Variants in PLEKHM1 observed in about 807,000 individuals in gnomAD.
The protein encoded by PLEKHM1 is pleckstrin homology domain-containing family M member 1.
PLEKHM1 carries 28 observed loss-of-function variants against 94.3 expected under a neutral mutation model. The observed-to-expected ratio is 0.30, with a 90% CI of 0.22 to 0.41. The LOEUF is 0.41. PLEKHM1 is among the 10% of genes least tolerant of loss of function. The pLI is 1.00. For missense variants in PLEKHM1, 907 were observed against 1,358.6 expected (o/e 0.67, Z 5.22); for synonymous variants, 424 against 581.2 (o/e 0.73, Z 3.89).
At chr17:45,474,062 ATT>A (rs55806341) in intron 4 of PLEKHM1, among the ~76,000 whole-genome samples, 6 of 142,754 alleles carry the variant, frequency 4.2e-5, no homozygotes, top group Non-Finnish European at 4.6e-5. Context: ...TTATTTATTT[ATT>A]TTTTTTTTTT....
intron 8 of PLEKHM1, among the ~76,000 whole-genome samples, chr17:45,450,025 C>G (rs1158224500): frequency 6.6e-6 from 1 of 152,022 alleles, no homozygotes; most frequent in Non-Finnish European, 1.5e-5. Flanking sequence ...GCTCATCCAC[C>G]TACCTACCTA....
intron 6 of PLEKHM1, chr17:45,454,554 C>T (rs1287818485): frequency 1.7e-6 from 1 of 582,670 alleles, no homozygotes; most frequent in South Asian, 2.0e-5. Flanking sequence ...CACGCCTTCC[C>T]TCCTGCTGCC....
At chr17:45,488,210 T>C (rs1342048390) in intron 1 of PLEKHM1, among the ~76,000 whole-genome samples, 2 of 152,170 alleles carry the variant, frequency 1.3e-5, no homozygotes, top group Non-Finnish European at 2.9e-5. Flanking sequence ...CCCTCCTTCC[T>C]TCCATCCAGT....
intron 4 of PLEKHM1, among the ~76,000 whole-genome samples, chr17:45,471,649 G>A (rs2684701): frequency 5.9e-5 from 9 of 152,226 alleles, no homozygotes; most frequent in Admixed American, 5.2e-4. Flanking sequence ...CCAGCTACTC[G>A]GGAGGCTGAG....
intron 5 of PLEKHM1, chr17:45,459,734 C>T (rs2051095396): frequency 7.6e-6 from 1 of 131,718 alleles, no homozygotes; most frequent in East Asian, 2.0e-4. Flanking sequence ...TTTATATTCC[C>T]ACCAGCAATG....
intron 1 of PLEKHM1, among the ~76,000 whole-genome samples, chr17:45,489,603 G>C (rs144071102): frequency 0.016 from 2,423 of 152,182 alleles, 74 homozygotes; most frequent in African/African-American, 0.056. Context: ...GAGACCAGAT[G>C]CCAGGAAAAA....
intron 4 of PLEKHM1, among the ~76,000 whole-genome samples, chr17:45,473,810 G>A (rs1488162330): frequency 6.6e-6 from 1 of 151,920 alleles, no homozygotes; most frequent in Admixed American, 6.6e-5. Context: ...CGCCCGCCTC[G>A]GCCTCCCAAA....
At chr17:45,464,805 C>T (rs531818844) in intron 5 of PLEKHM1, among the ~76,000 whole-genome samples, 50 of 152,342 alleles carry the variant, frequency 3.3e-4, no homozygotes, top group African/African-American at 1.1e-3. Flanking sequence ...TGGTACACTT[C>T]GATGACCCAC....
At chr17:45,451,293 G>A (rs1433786418) in intron 7 of PLEKHM1, among the ~76,000 whole-genome samples, 1 of 152,250 alleles carries the variant, frequency 6.6e-6, no homozygotes, top group African/African-American at 2.4e-5. Context: ...GCAGGGGAGT[G>A]TGCACAGTGT....
At chr17:45,467,936 T>C (rs1348142434) in intron 5 of PLEKHM1, among the ~76,000 whole-genome samples, 1 of 152,010 alleles carries the variant, frequency 6.6e-6, no homozygotes, top group African/African-American at 2.4e-5. Context: ...CAAAGTGACG[T>C]GAAAATGACA....
downstream of PLEKHM1, among the ~76,000 whole-genome samples, chr17:45,434,673 G>A (rs1484592072): frequency 6.6e-6 from 1 of 152,116 alleles, no homozygotes; most frequent in Non-Finnish European, 1.5e-5. Flanking sequence ...TTGAACTTCT[G>A]ACCTCAGATG....
intron 1 of PLEKHM1, among the ~76,000 whole-genome samples, chr17:45,485,077 C>T (rs2145359889): frequency 6.6e-6 from 1 of 151,840 alleles, no homozygotes; most frequent in Middle Eastern, 3.4e-3. Flanking sequence ...GCCCTCAGTC[C>T]TGACTACAGC....
Position 45,438,839 on chromosome 17 carries a change from G to C in PLEKHM1, c.3059+638C>G, listed in dbSNP as rs143576804. Reference sequence around the variant, plus strand: ...CCCAAAGTTGTGGGATTACAGGCGTGAGCCACCACGCCCGGCCAAGATGGT... The same window carrying C: ...CCCAAAGTTGTGGGATTACAGGCGTCAGCCACCACGCCCGGCCAAGATGGT... On this transcript the variant is annotated intron_variant, in intron 11 of 11. Coordinates refer to ENST00000430334, the MANE Select transcript of PLEKHM1 (RefSeq NM_014798.3). 1.8e-3 allele frequency among the ~76,000 whole-genome samples: 279 copies of C among 152,260 alleles called. 3 individuals carry two copies. Among genetic ancestry groups the C allele is most frequent in the African/African-American group, 6.4e-3 (268 of 41,570 alleles).
downstream of PLEKHM1, among the ~76,000 whole-genome samples, chr17:45,435,393 C>G (rs565713573): frequency 3.3e-5 from 5 of 152,310 alleles, no homozygotes; most frequent in Non-Finnish European, 7.4e-5. Context: ...CCTGGAACTT[C>G]TGAGGAAGGT....
intron 5 of PLEKHM1, among the ~76,000 whole-genome samples, chr17:45,465,666 C>T (rs558946844): frequency 4.9e-4 from 75 of 152,252 alleles, no homozygotes; most frequent in Non-Finnish European, 9.8e-4. Context: ...GCTGAGATTG[C>T]ACCACTGTAC....
chr17:45,478,844 T>C (rs1199231371), intron 2 of PLEKHM1, among the ~76,000 whole-genome samples: 1 of 151,488 alleles, frequency 6.6e-6, no homozygotes, highest in Admixed American at 6.6e-5. Flanking sequence ...AAAAGAAAGA[T>C]CCTAGGCCTG....
intron 5 of PLEKHM1, among the ~76,000 whole-genome samples, chr17:45,467,516 T>C (rs1230088351): frequency 3.3e-5 from 5 of 152,222 alleles, no homozygotes; most frequent in Admixed American, 1.3e-4. Flanking sequence ...CACCAGCTCA[T>C]GCCTGTAATC....
rs12452076 is a variant in PLEKHM1, at chr17:45,475,351, G to T, written c.672C>A (p.Ser224=). 1 of 1,613,610 alleles carries T rather than the reference G, an allele frequency of 6.2e-7. No homozygotes were observed. Among genetic ancestry groups the T allele is most frequent in the South Asian group, 1.1e-5 (1 of 91,074 alleles). Residue 224 remains serine (S), a synonymous_variant, in exon 4 of 12, where the codon TCC becomes TCA. Transcript: ENST00000430334. Reference sequence around the variant, plus strand: ...CGATGTCTTCAGAGCCTGAAGAATGGGAAATGGAATCCAGAGATTCCTTCC... The same window carrying T: ...CGATGTCTTCAGAGCCTGAAGAATGTGAAATGGAATCCAGAGATTCCTTCC... ...LQRKESLDSI[S]HSSGSEDIEV... is the part of the protein sequence containing the mutation.
chr17:45,453,445 A>C lies in PLEKHM1; in HGVS notation c.2407T>G (p.Phe803Val). 6.2e-7 allele frequency: 1 copy of C among 1,612,402 alleles called. No homozygotes were observed. Among genetic ancestry groups the C allele is most frequent in the Non-Finnish European group, 8.5e-7 (1 of 1,179,266 alleles). Reference sequence around the variant, plus strand: ...AGGAAGCCATTCTCCCGGGTGGCAAATTTCAGCACCTCCTGACAGTTTTCA... The same window carrying C: ...AGGAAGCCATTCTCCCGGGTGGCAACTTTCAGCACCTCCTGACAGTTTTCA... ...LDENCQEVLK[F>V]ATRENGFLLQ... Residue 803 changes from phenylalanine to valine, a missense_variant, in exon 7 of 12, where the codon TTT (phenylalanine) becomes GTT (valine). Transcript: ENST00000430334. This position sits in a 1 kb window ranked among gnomAD's most constrained non-coding sequence, Gnocchi z 4.1.
Sources: allele counts gnomAD v4.1 joint callset (sites outside exome capture counted in the v4.1 genomes callset), GRCh38; gene constraint gnomAD v4.1.1; non-coding constraint Gnocchi (gnomAD v3.1); transcripts MANE v1.5; gene names NCBI Gene and HGNC (gene_info 2026-07-23, HGNC 2026-07-21).